Variants in PRKG1 observed in about 807,000 individuals in gnomAD.
The protein encoded by PRKG1 is cGMP-dependent protein kinase 1.
Under a neutral mutation model 88.1 loss-of-function variants are expected in PRKG1, and 35 were observed. That is an observed-to-expected ratio of 0.40 (90% CI 0.30 to 0.53). The LOEUF (loss-of-function observed/expected upper bound fraction) is 0.53. Among genes scored for constraint, PRKG1 ranks in the 20% least tolerant of loss-of-function variants. The pLI is 0.59. For synonymous variants in PRKG1, 303 were observed against 292.5 expected, an observed-to-expected ratio of 1.04 and a Z score of -0.37; for missense variants, 540 against 839.8, an observed-to-expected ratio of 0.64 and a Z score of 4.41.
At chr10:51,429,802 AAAAACAGAAGAAGG>A (rs1838705261) in intron 2 of PRKG1, among the ~76,000 whole-genome samples, 1 of 151,924 alleles carries the variant, frequency 6.6e-6, no homozygotes, top group South Asian at 2.1e-4. Context: ...AGAAGAAAAA[AAAAACAGAAGAAGG>A]AAAACAGAAA....
In PRKG1 at chr10:52,296,324, T is replaced by C. The variant is rs1842382122; in HGVS notation, c.*2424T>C. 6.6e-6 allele frequency: 1 copy of C among 152,076 alleles called. No individual in the cohort carries two copies. Among genetic ancestry groups the C allele is most frequent in the African/African-American group, 2.4e-5 (1 of 41,446 alleles). 9.4% of individuals were successfully genotyped at this position (152,076 alleles called of 1,614,324 possible). A position where few individuals can be genotyped will look rare whatever the true frequency, so the allele number is the denominator to read the frequency against. ...AGCATTCAGCACAAGAAACTGTAGA[T>C]TGTTTCTCCCACTTGTTACTGCATC... On this transcript the variant is annotated 3_prime_UTR_variant, in exon 18 of 18. Transcript: ENST00000373980.
chr10:51,808,307 A>ATGACT (rs1200865667), intron 4 of PRKG1, among the ~76,000 whole-genome samples: 3 of 151,806 alleles, frequency 2.0e-5, no homozygotes, highest in Non-Finnish European at 2.9e-5. Context: ...TTTTTTCTTT[A>ATGACT]TGACTTCGGC....
At chr10:51,816,022 C>A (rs975451591) in intron 4 of PRKG1, among the ~76,000 whole-genome samples, 2 of 152,180 alleles carry the variant, frequency 1.3e-5, no homozygotes, top group Non-Finnish European at 2.9e-5. Flanking sequence ...AAGCTGGCAC[C>A]TGCCTCCTTA....
intron 2 of PRKG1, among the ~76,000 whole-genome samples, chr10:51,400,980 A>G (rs1837723168): frequency 6.6e-6 from 1 of 152,224 alleles, no homozygotes; most frequent in African/African-American, 2.4e-5. Context: ...CTTCTCAACT[A>G]TAAAAATATC....
At chr10:51,567,249 G>T (rs1206023354) in intron 3 of PRKG1, among the ~76,000 whole-genome samples, 2 of 151,932 alleles carry the variant, frequency 1.3e-5, no homozygotes, top group Non-Finnish European at 1.5e-5. Flanking sequence ...TGATGGTTGG[G>T]GTGGGAGAGA....
intron 5 of PRKG1, among the ~76,000 whole-genome samples, chr10:51,929,836 G>A (rs1842652294): frequency 6.6e-6 from 1 of 152,044 alleles, no homozygotes. Flanking sequence ...ACTGACCTAG[G>A]GACATGTTAT....
intron 9 of PRKG1, among the ~76,000 whole-genome samples, chr10:52,248,200 G>T (rs1292828151): frequency 6.6e-6 from 1 of 152,218 alleles, no homozygotes; most frequent in South Asian, 2.1e-4. Flanking sequence ...TCCAGTGCGG[G>T]CATTAGGGCC....
At chr10:52,227,563 A>G (rs1240036587) in intron 9 of PRKG1, among the ~76,000 whole-genome samples, 1 of 152,096 alleles carries the variant, frequency 6.6e-6, no homozygotes, top group East Asian at 1.9e-4. Context: ...CAAATACTAC[A>G]CCATTTTATA....
chr10:51,042,799 G>A (rs987988127), intron 1 of PRKG1, among the ~76,000 whole-genome samples: 5 of 152,150 alleles, frequency 3.3e-5, no homozygotes, highest in African/African-American at 1.2e-4. Flanking sequence ...CTCCCAATGT[G>A]ATGGTATTTG....
At chr10:51,690,769 T>C (rs1295077082) in intron 3 of PRKG1, among the ~76,000 whole-genome samples, 1 of 151,444 alleles carries the variant, frequency 6.6e-6, no homozygotes, top group Non-Finnish European at 1.5e-5. Context: ...CTACTAAAAA[T>C]ACAAAAATTA....
At position 51,096,703 on chromosome 10, in the gene PRKG1, G is replaced by A. The variant is rs9414815; in HGVS notation, c.311+21802G>A. On this transcript the variant is annotated intron_variant, in intron 1 of 17. Transcript: ENST00000373980. ...TCTATAAAACAGAGATAATAATAGTGTCCCAGATTTCTGTTAGGAGAATTA... is the reference window on the plus strand; with the variant it reads ...TCTATAAAACAGAGATAATAATAGTATCCCAGATTTCTGTTAGGAGAATTA... Among the ~76,000 whole-genome samples the A allele has an allele frequency of 6.9e-3, 1,043 of 152,184 alleles. 11 individuals carry two copies. Among genetic ancestry groups the A allele is most frequent in the African/African-American group, 0.024 (989 of 41,514 alleles).
intron 1 of PRKG1, among the ~76,000 whole-genome samples, chr10:51,066,448 G>C (rs893068821): frequency 6.6e-6 from 1 of 152,138 alleles, no homozygotes; most frequent in Non-Finnish European, 1.5e-5. Context: ...TGACAGTACT[G>C]TTTGTGGGAC....
At chr10:51,214,459 G>A (rs1403140745) in intron 2 of PRKG1, among the ~76,000 whole-genome samples, 1 of 152,068 alleles carries the variant, frequency 6.6e-6, no homozygotes, top group Non-Finnish European at 1.5e-5. Flanking sequence ...AGTCAGGATG[G>A]ACCAAGTGTT....
rs182576167 is a variant in PRKG1 at position 51,160,515 on chromosome 10, C to T, written c.478+7185C>T. 6.9e-3 allele frequency among the ~76,000 whole-genome samples: 1,045 copies of T among 152,246 alleles called. 5 individuals carry two copies. The highest frequency in any genetic ancestry group is 0.011 in the Non-Finnish European group (737 of 68,020). Reference sequence around the variant, plus strand: ...TTGTTAAATAATATCAAATTACTTTCCAAAGTGGTTTTATCTGATTATACC... The same window carrying T: ...TTGTTAAATAATATCAAATTACTTTTCAAAGTGGTTTTATCTGATTATACC... On this transcript the variant is annotated intron_variant, in intron 2 of 17. Coordinates refer to ENST00000373980, the MANE Select transcript of PRKG1 (RefSeq NM_006258.4).
At chr10:51,690,822 A>G (rs1283564265) in intron 3 of PRKG1, among the ~76,000 whole-genome samples, 1 of 148,104 alleles carries the variant, frequency 6.8e-6, no homozygotes, top group Non-Finnish European at 1.5e-5. Context: ...GCTACTCAGG[A>G]GGCTGAGGCA....
intron 9 of PRKG1, among the ~76,000 whole-genome samples, chr10:52,236,124 CA>C (rs768908412): frequency 2.3e-5 from 1 of 44,278 alleles, no homozygotes; most frequent in Admixed American, 3.2e-4. Context: ...CCAACGAGAA[CA>C]AAGACACAAC....
intron 2 of PRKG1, among the ~76,000 whole-genome samples, chr10:51,453,840 A>G (rs999135333): frequency 2.0e-5 from 3 of 152,054 alleles, no homozygotes; most frequent in Non-Finnish European, 4.4e-5. Flanking sequence ...TTGTATACCT[A>G]GAAAACTCTA....
intron 1 of PRKG1, among the ~76,000 whole-genome samples, chr10:51,015,910 A>G (rs1843052228): frequency 6.6e-6 from 1 of 152,158 alleles, no homozygotes; most frequent in Non-Finnish European, 1.5e-5. Flanking sequence ...AAAAAGAGAT[A>G]GAGGAAGCCC....
rs192124754 is a variant in PRKG1 at position 51,894,196 on chromosome 10, A to G, written c.699-13311A>G. 2.0e-5 allele frequency among the ~76,000 whole-genome samples: 3 copies of G among 152,354 alleles called. No individual in the cohort carries two copies. In the East Asian group the frequency reaches 5.8e-4, roughly 29 times the overall value. The stretch of plus-strand genomic sequence containing the variant: ...TGATTATTTTAAGTTATCATATACC[A>G]AATGAAAATAATTGACTGGTAAGGC... On this transcript the variant is annotated intron_variant, in intron 4 of 17. Coordinates refer to ENST00000373980, the MANE Select transcript of PRKG1 (RefSeq NM_006258.4).
Sources: gnomAD v4.1 joint callset for allele counts (sites outside exome capture counted in the v4.1 genomes callset) on GRCh38, gnomAD v4.1.1 for gene constraint, MANE v1.5 for transcripts, NCBI Gene and HGNC (gene_info 2026-07-23, HGNC 2026-07-21) for gene names.